MACROD2: variants seen among roughly 807,000 people sequenced by gnomAD.
MACROD2 encodes the protein ADP-ribose glycohydrolase MACROD2.
MACROD2 carries 36 observed loss-of-function variants against 70.4 expected under a neutral mutation model. The ratio of observed to expected loss-of-function variants is 0.51; its 90% CI spans 0.39 to 0.68. The LOEUF (loss-of-function observed/expected upper bound fraction) is 0.68. MACROD2 is among the 30% of genes least tolerant of loss of function. The pLI, the probability that MACROD2 is intolerant of heterozygous loss-of-function variation, is 0.00. For missense variants in MACROD2, 496 were observed against 538.4 expected (o/e 0.92, Z 0.78); for synonymous variants, 172 against 178.8 (o/e 0.96, Z 0.30).
chr20:15,880,696 C>A (rs1568615074), intron 9 of MACROD2, among the ~76,000 whole-genome samples: 4 of 151,916 alleles, frequency 2.6e-5, no homozygotes, highest in Non-Finnish European at 5.9e-5. Flanking sequence ...AGGCTCAACC[C>A]TAAAGGGTGT....
intron 3 of MACROD2, among the ~76,000 whole-genome samples, chr20:14,129,484 G>A (rs2054692052): frequency 6.6e-6 from 1 of 152,200 alleles, no homozygotes; most frequent in Non-Finnish European, 1.5e-5. Context: ...TGAAGATGCT[G>A]TGAATATTGT....
At chr20:15,734,816 A>T (rs570798301) in intron 8 of MACROD2, among the ~76,000 whole-genome samples, 1 of 152,266 alleles carries the variant, frequency 6.6e-6, no homozygotes, top group African/African-American at 2.4e-5. Context: ...AATGAAATAC[A>T]TTCAATTCTG....
At chr20:14,867,040 G>A (rs1340732829) in intron 5 of MACROD2, among the ~76,000 whole-genome samples, 2 of 152,138 alleles carry the variant, frequency 1.3e-5, no homozygotes, top group East Asian at 3.9e-4. Context: ...TCAATGTTAC[G>A]TAACTGAGAG....
intron 10 of MACROD2, among the ~76,000 whole-genome samples, chr20:15,908,051 T>C (rs1177999989): frequency 6.6e-6 from 1 of 152,254 alleles, no homozygotes; most frequent in Admixed American, 6.5e-5. Context: ...CATAAATATA[T>C]TGCATATCTA....
intron 4 of MACROD2, among the ~76,000 whole-genome samples, chr20:14,498,184 AT>A (rs1356086246): frequency 6.6e-6 from 1 of 151,784 alleles, no homozygotes. Context: ...AAGGAATAAA[AT>A]TATAACCTGG....
intron 5 of MACROD2, among the ~76,000 whole-genome samples, chr20:15,098,509 C>T (rs1000972483): frequency 3.9e-5 from 6 of 152,164 alleles, no homozygotes; most frequent in Admixed American, 1.3e-4. Context: ...TTCAGGCACA[C>T]GTAATGCCTT....
intron 8 of MACROD2, chr20:15,552,563 CCT>C (rs1200342742): frequency 6.6e-6 from 1 of 152,212 alleles, no homozygotes; most frequent in Admixed American, 6.5e-5. Context: ...TTACCTGCAG[CCT>C]TCATGGACAG....
At chr20:14,491,344 A>G (rs910525374) in intron 3 of MACROD2, among the ~76,000 whole-genome samples, 1 of 152,304 alleles carries the variant, frequency 6.6e-6, no homozygotes, top group South Asian at 2.1e-4. Flanking sequence ...TGGAAAAATC[A>G]TTATTGGATT....
intron 9 of MACROD2, among the ~76,000 whole-genome samples, chr20:15,870,431 C>T (rs1333139849): frequency 1.2e-4 from 18 of 152,124 alleles, no homozygotes; most frequent in Non-Finnish European, 2.2e-4. Flanking sequence ...GAAACTGCTA[C>T]AGTTGGAATG....
intron 5 of MACROD2, among the ~76,000 whole-genome samples, chr20:15,078,280 T>C (rs2075675281): frequency 6.6e-6 from 1 of 152,122 alleles, no homozygotes; most frequent in Admixed American, 6.6e-5. Flanking sequence ...ATTCTGAGTT[T>C]TTGCTCCTTG....
chr20:14,460,045 G>T (rs1443758157), intron 3 of MACROD2, among the ~76,000 whole-genome samples: 1 of 152,094 alleles, frequency 6.6e-6, no homozygotes, highest in Non-Finnish European at 1.5e-5. Context: ...TACCTGCAAA[G>T]GACATGAACT....
intron 3 of MACROD2, among the ~76,000 whole-genome samples, chr20:14,282,215 G>A (rs568002353): frequency 1.1e-3 from 174 of 152,196 alleles, no homozygotes; most frequent in Non-Finnish European, 2.1e-3. Context: ...GAGGAGTATC[G>A]TAATAAATTA....
Position 15,576,852 on chromosome 20 carries a change from T to C in MACROD2, c.645+77005T>C, listed in dbSNP as rs377259562. The stretch of plus-strand genomic sequence containing the variant: ...TTTGATTGGGAAGTTCTGTACCACA[T>C]TGTAGTAACACCGATAACAGTGAAG... On this transcript the variant is annotated intron_variant, in intron 8 of 17. Coordinates refer to ENST00000684519, the MANE Select transcript of MACROD2 (RefSeq NM_001351661.2). Among the ~76,000 whole-genome samples, 3 of 152,310 alleles carry C rather than the reference T, an allele frequency of 2.0e-5. No individual in the cohort carries two copies. In the South Asian group the frequency reaches 6.2e-4, roughly 32 times the overall value.
At chr20:15,361,258 A>G (rs994965173) in intron 6 of MACROD2, among the ~76,000 whole-genome samples, 1 of 152,176 alleles carries the variant, frequency 6.6e-6, no homozygotes, top group African/African-American at 2.4e-5. Context: ...TGAGGTTGAG[A>G]TGATTTATTT....
chr20:14,801,905 T>C (rs972451548), intron 5 of MACROD2, among the ~76,000 whole-genome samples: 14 of 152,100 alleles, frequency 9.2e-5, no homozygotes, highest in African/African-American at 3.4e-4. Context: ...GTTTTGACTT[T>C]CCAAAAGATG....
chr20:15,292,824 A>G (rs1013449247), intron 6 of MACROD2, among the ~76,000 whole-genome samples: 14 of 152,174 alleles, frequency 9.2e-5, no homozygotes, highest in African/African-American at 3.4e-4. Context: ...GCTTCCATTC[A>G]ACTGTATTTT....
At chr20:14,423,008 T>G (rs1428343846) in intron 3 of MACROD2, among the ~76,000 whole-genome samples, 3 of 152,176 alleles carry the variant, frequency 2.0e-5, no homozygotes, top group Non-Finnish European at 4.4e-5. Context: ...ACTGCCTGAG[T>G]TCTAAATTAG....
At chr20:15,183,971 G>T (rs1411580195) in intron 5 of MACROD2, among the ~76,000 whole-genome samples, 2 of 152,190 alleles carry the variant, frequency 1.3e-5, no homozygotes, top group African/African-American at 4.8e-5. Flanking sequence ...TAGACTGGGT[G>T]TGAGGCAGGA....
intron 8 of MACROD2, among the ~76,000 whole-genome samples, chr20:15,620,070 A>C (rs753560441): frequency 1.3e-5 from 2 of 152,118 alleles, no homozygotes; most frequent in Admixed American, 6.5e-5. Context: ...AAATGATGAA[A>C]TGATGGCAAG....
Sources: allele counts gnomAD v4.1 joint callset (sites outside exome capture counted in the v4.1 genomes callset), GRCh38; gene constraint gnomAD v4.1.1; transcripts MANE v1.5; gene names NCBI Gene and HGNC (gene_info 2026-07-23, HGNC 2026-07-21).